The following C16orf74 variants were observed in gnomAD, a reference collection of about 807,000 sequenced individuals.
C16orf74 encodes the protein calcimembrin.
In C16orf74, 10 loss-of-function variants were observed where a neutral mutation model predicts 6.5. That is an observed-to-expected ratio of 1.54 (90% CI 0.95 to 2.61). The LOEUF (loss-of-function observed/expected upper bound fraction) is 2.61. Among genes scored for constraint, C16orf74 ranks in the 30% most tolerant of loss-of-function variants. C16orf74 has a pLI of 0.00. For missense variants in C16orf74, 141 were observed against 105.9 expected (o/e 1.33, Z -1.45); for synonymous variants, 60 against 42.5 (o/e 1.41, Z -1.60).
intron 1 of C16orf74, among the ~76,000 whole-genome samples, chr16:85,750,269 C>A (rs547860199): frequency 1.3e-5 from 2 of 152,334 alleles, no homozygotes; most frequent in Admixed American, 6.5e-5. Flanking sequence ...CAGCCGGAGG[C>A]GGTCTGAGAG....
chr16:85,735,352 G>A (rs1222531121), intron 1 of C16orf74, 117 bp from the exon 2 acceptor site: 1 of 539,420 alleles, frequency 1.9e-6, no homozygotes, highest in African/African-American at 2.0e-5. Flanking sequence ...TTGTGGTGGA[G>A]AGAAACCACC....
chr16:85,709,175 C>T (rs143869171), intron 3 of C16orf74, among the ~76,000 whole-genome samples: 4 of 152,246 alleles, frequency 2.6e-5, no homozygotes, highest in East Asian at 1.9e-4. Flanking sequence ...GCCAACACAA[C>T]GAAACCCCAT....
chr16:85,713,388 T>C (rs913464133), intron 2 of C16orf74, among the ~76,000 whole-genome samples: 1 of 152,174 alleles, frequency 6.6e-6, no homozygotes, highest in African/African-American at 2.4e-5. Context: ...ATCTCCTGTC[T>C]CAGCCTCCCA....
In C16orf74 at chr16:85,708,000, A is replaced by G; in HGVS notation, c.*8T>C. 6.4e-7 allele frequency: 1 copy of G among 1,551,922 alleles called. No homozygotes were observed. Among genetic ancestry groups the G allele is most frequent in the Non-Finnish European group, 8.7e-7 (1 of 1,147,198 alleles). ...CAGGAGCCAGCCAGCCAAACCCAGG[A>G]CACCTCCTCAGGCTTCTGGGTCGAT... On this transcript the variant is annotated 3_prime_UTR_variant, in exon 4 of 4. Transcript: ENST00000284245.
In C16orf74 at chr16:85,707,830, T is replaced by C. The variant is rs2053927529; in HGVS notation, c.*178A>G. On this transcript the variant is annotated 3_prime_UTR_variant, in exon 4 of 4. Coordinates refer to ENST00000284245, the MANE Select transcript of C16orf74 (RefSeq NM_206967.3). ...CAGCGGGGCCTGGGAAACACTGTTCTGGAAGTGGACAGGCTGGATTCCTCG... is the reference window on the plus strand; with the variant it reads ...CAGCGGGGCCTGGGAAACACTGTTCCGGAAGTGGACAGGCTGGATTCCTCG... 4 of 605,844 alleles carry C rather than the reference T, an allele frequency of 6.6e-6. No individual in the cohort carries two copies. In the East Asian group the frequency reaches 8.6e-5, roughly 13 times the overall value. 37.5% of individuals were successfully genotyped at this position (605,844 alleles called of 1,614,324 possible). A position where few individuals can be genotyped will look rare whatever the true frequency, so the allele number is the denominator to read the frequency against.
chr16:85,715,258 A>AC (rs1180287282), intron 2 of C16orf74, among the ~76,000 whole-genome samples: 1 of 152,026 alleles, frequency 6.6e-6, no homozygotes, highest in Middle Eastern at 3.2e-3. Flanking sequence ...AGGCGCCCCT[A>AC]CCCCAAACAA....
At chr16:85,711,324 A>AAC (rs2053967521) in intron 2 of C16orf74, among the ~76,000 whole-genome samples, 1 of 148,642 alleles carries the variant, frequency 6.7e-6, no homozygotes, top group African/African-American at 2.5e-5. Flanking sequence ...TTAAAAAAAA[A>AAC]AAAAAAAAGG....
intron 2 of C16orf74, among the ~76,000 whole-genome samples, chr16:85,725,018 C>T (rs918053117): frequency 1.2e-4 from 18 of 151,924 alleles, no homozygotes; most frequent in Non-Finnish European, 2.5e-4. Flanking sequence ...TCCCTCCTTT[C>T]GGAGGATATC....
intron 1 of C16orf74, among the ~76,000 whole-genome samples, chr16:85,748,138 A>G (rs868333703): frequency 4.3e-4 from 28 of 64,950 alleles, no homozygotes; most frequent in African/African-American, 7.8e-4. Context: ...GTATATATAT[A>G]TGTGTGTGTA....
intron 1 of C16orf74, among the ~76,000 whole-genome samples, chr16:85,741,053 G>A (rs1443462202): frequency 2.0e-5 from 3 of 152,126 alleles, no homozygotes; most frequent in African/African-American, 7.2e-5. Flanking sequence ...CTTTGAAACT[G>A]CTTCAAGAAA....
Position 85,729,238 on chromosome 16 carries a change from T to C in C16orf74, c.28+5952A>G, listed in dbSNP as rs971323908. ...CCCTGTCTGTAGAGTTCAGCAGTGA[T>C]GAGGGTGCCATGCCCAGATCCTGTT... is the stretch of plus-strand genomic sequence containing the variant. On this transcript the variant is annotated intron_variant, in intron 2 of 3. Transcript: ENST00000284245. Among the ~76,000 whole-genome samples, 9 of 152,236 alleles carry C rather than the reference T, an allele frequency of 5.9e-5. No homozygotes were observed. The South Asian group carries it at 8.3e-4, about 14-fold the overall frequency.
intron 1 of C16orf74, among the ~76,000 whole-genome samples, chr16:85,750,427 G>A (rs2054424334): frequency 6.6e-6 from 1 of 152,230 alleles, no homozygotes; most frequent in East Asian, 1.9e-4. Context: ...GCCCTTCGCG[G>A]TTGCAAACCT....
At chr16:85,750,745 A>G (rs2054428568) in intron 1 of C16orf74, among the ~76,000 whole-genome samples, 181 bp downstream of exon 1, 1 of 152,124 alleles carries the variant, frequency 6.6e-6, no homozygotes, top group Non-Finnish European at 1.5e-5. Context: ...CTCCGCAGCA[A>G]AGTCTGCAAG....
At chr16:85,725,353 C>G (rs2054123002) in intron 2 of C16orf74, among the ~76,000 whole-genome samples, 1 of 152,170 alleles carries the variant, frequency 6.6e-6, no homozygotes, top group Non-Finnish European at 1.5e-5. Context: ...CTTGGGCAGC[C>G]AGTCCCCACC....
intron 1 of C16orf74, among the ~76,000 whole-genome samples, chr16:85,742,526 A>G (rs2054320686): frequency 6.6e-6 from 1 of 152,086 alleles, no homozygotes; most frequent in Non-Finnish European, 1.5e-5. Context: ...TCCAGCATGC[A>G]GAACTGTGAG....
intron 1 of C16orf74, among the ~76,000 whole-genome samples, chr16:85,747,797 A>G (rs2054390267): frequency 6.6e-6 from 1 of 152,122 alleles, no homozygotes; most frequent in South Asian, 2.1e-4. Flanking sequence ...CAAGATATAC[A>G]TTGGTTCCAG....
intron 2 of C16orf74, among the ~76,000 whole-genome samples, chr16:85,733,284 T>C (rs143276910): frequency 1.7e-4 from 26 of 152,240 alleles, no homozygotes; most frequent in African/African-American, 6.0e-4. Context: ...CCACACTGAG[T>C]GACGGAGACC....
chr16:85,737,875 C>A (rs920241195), intron 1 of C16orf74, among the ~76,000 whole-genome samples: 15 of 152,054 alleles, frequency 9.9e-5, no homozygotes, highest in Non-Finnish European at 1.5e-5. Flanking sequence ...CCGCAGCCCT[C>A]CAGCTGCCTG....
chr16:85,744,557 G>A lies in C16orf74; in HGVS notation c.-19+6369C>T, dbSNP rs1315516351. Among the ~76,000 whole-genome samples, 6 of 152,266 alleles carry A rather than the reference G, an allele frequency of 3.9e-5. No individual in the cohort carries two copies. In the East Asian group the frequency reaches 9.6e-4, roughly 24 times the overall value. On this transcript the variant is annotated intron_variant, in intron 1 of 3. Transcript: ENST00000284245. ...AAAATCTCCCTGTCAGCAGCCAGATGCGGTGGCTCATGCCTGAAATCCCAG... is the reference window on the plus strand; with the variant it reads ...AAAATCTCCCTGTCAGCAGCCAGATACGGTGGCTCATGCCTGAAATCCCAG...
Sources: allele counts gnomAD v4.1 joint callset (sites outside exome capture counted in the v4.1 genomes callset), GRCh38; gene constraint gnomAD v4.1.1; transcripts MANE v1.5; gene names NCBI Gene and HGNC (gene_info 2026-07-23, HGNC 2026-07-21).